The following DOP1B variants were observed in gnomAD, a reference collection of about 807,000 sequenced individuals.
The protein encoded by DOP1B is protein DOP1B.
Under a neutral mutation model 233.5 loss-of-function variants are expected in DOP1B, and 174 were observed. That is an observed-to-expected ratio of 0.75 (90% confidence interval 0.66 to 0.85). The LOEUF is 0.85. DOP1B is among the 40% of genes least tolerant of loss of function. The pLI is 0.00. For synonymous variants in DOP1B, 1,190 were observed against 1,185.6 expected, an observed-to-expected ratio of 1.00 and a Z score of -0.08; for missense variants, 2,652 against 2,846.6, an observed-to-expected ratio of 0.93 and a Z score of 1.56.
chr21:36,160,410 G>A (rs1293305533), intron 1 of DOP1B, among the ~76,000 whole-genome samples: 1 of 151,926 alleles, frequency 6.6e-6, no homozygotes, highest in Non-Finnish European at 1.5e-5. Context: ...GGGTTGGAGG[G>A]TGCAGTGACA....
chr21:36,277,774 C>A (rs531497322), intron 28 of DOP1B, among the ~76,000 whole-genome samples: 1 of 151,918 alleles, frequency 6.6e-6, no homozygotes, highest in African/African-American at 2.4e-5. Context: ...CCTGCCTCAG[C>A]CTCCTGAGTA....
At chr21:36,257,843 ATAGG>A (rs200518470) in intron 23 of DOP1B, among the ~76,000 whole-genome samples, 2,198 of 142,736 alleles carry the variant, frequency 0.015, 32 homozygotes, top group African/African-American at 0.041. Flanking sequence ...GTAGATGTAG[ATAGG>A]TAGGTAGGTA....
intron 2 of DOP1B, among the ~76,000 whole-genome samples, chr21:36,185,180 A>G (rs2066150020): frequency 1.1e-5 from 1 of 87,648 alleles, no homozygotes; most frequent in Non-Finnish European, 2.3e-5. Flanking sequence ...ATACTATGTT[A>G]TTTTATATTT....
rs866306206 is a variant in DOP1B, at chr21:36,253,772, A to G, written c.5122A>G (p.Ile1708Val). The G allele has an allele frequency of 1.9e-6, 3 of 1,606,260 alleles. No individual in the cohort carries two copies. Among genetic ancestry groups the G allele is most frequent in the African/African-American group, 1.3e-5 (1 of 74,228 alleles). The change falls in exon 23 of 37, where the codon ATT becomes GTT. Residue 1708 changes from isoleucine (I) to valine (V), a missense_variant and splice_region_variant. Physicochemically the swap from Ile to Val is conservative, Grantham distance 29 (BLOSUM62 3). Transcript: ENST00000691173. The part of the protein sequence containing the change: ...KKAQRHSKMK[I>V]IPTASASQLT... ...AAGGAACTTTTTTTTTTCTTGGCAG[A>G]TTATCCCAACGGCAAGTGCATCCCA...
rs571809676 is a variant in DOP1B, at chr21:36,247,744, T to C, written c.4809+116T>C. ...GTAATGTCTGTAACTAATATGCGTA[T>C]GGAGGTGATGCAAATGTGAATGCAA... On this transcript the variant is annotated intron_variant, in intron 20 of 36. Coordinates refer to ENST00000691173, the MANE Select transcript of DOP1B (RefSeq NM_001320714.2). The C allele has an allele frequency of 5.5e-5, 37 of 678,104 alleles. No individual in the cohort carries two copies. In the African/African-American group the frequency reaches 6.3e-4, roughly 11 times the overall value. 42.0% of individuals were successfully genotyped at this position (678,104 alleles called of 1,614,324 possible). A position where few individuals can be genotyped will look rare whatever the true frequency, so the allele number is the denominator to read the frequency against.
chr21:36,165,685 G>T (rs1485357267), intron 2 of DOP1B, among the ~76,000 whole-genome samples: 1 of 151,794 alleles, frequency 6.6e-6, no homozygotes, highest in East Asian at 1.9e-4. Flanking sequence ...CTGCACATGT[G>T]AGGGATCTAG....
intron 26 of DOP1B, among the ~76,000 whole-genome samples, chr21:36,267,469 TG>T (rs1445339097): frequency 7.9e-5 from 12 of 152,122 alleles, no homozygotes; most frequent in Admixed American, 7.9e-4. Context: ...GTTGAGCACT[TG>T]AAGTGTGGCT....
At chr21:36,206,614 C>T (rs1231289288) in intron 4 of DOP1B, among the ~76,000 whole-genome samples, 1 of 152,116 alleles carries the variant, frequency 6.6e-6, no homozygotes, top group Non-Finnish European at 1.5e-5. Flanking sequence ...GCAGCGTTTC[C>T]CATACTTTTT....
Position 36,279,138 on chromosome 21 carries a change from A to T in DOP1B, c.5969+783A>T, listed in dbSNP as rs569313713. On this transcript the variant is annotated intron_variant, in intron 30 of 36. Transcript: ENST00000691173. ...TAAAGAAAATCACTCAGGGCTGGTC[A>T]TGGTGGCTCACACCTGTAATCCAAC... is the stretch of plus-strand genomic sequence containing the variant. 2.0e-5 allele frequency among the ~76,000 whole-genome samples: 3 copies of T among 151,748 alleles called. No individual in the cohort carries two copies. In the South Asian group the frequency reaches 6.3e-4, roughly 32 times the overall value.
intron 2 of DOP1B, among the ~76,000 whole-genome samples, chr21:36,176,426 G>A (rs567744928): frequency 7.9e-5 from 12 of 152,128 alleles, no homozygotes; most frequent in Non-Finnish European, 1.2e-4. Flanking sequence ...CTTTCAGCCT[G>A]CAGGGTGCCT....
intron 7 of DOP1B, among the ~76,000 whole-genome samples, chr21:36,212,644 G>A (rs983879988): frequency 3.9e-5 from 6 of 152,206 alleles, no homozygotes; most frequent in African/African-American, 1.4e-4. Flanking sequence ...GCCTCCCAGG[G>A]ACAGAGCCTA....
At chr21:36,250,944 G>A (rs956437578) in intron 21 of DOP1B, among the ~76,000 whole-genome samples, 6 of 152,144 alleles carry the variant, frequency 3.9e-5, no homozygotes, top group Non-Finnish European at 7.3e-5. Context: ...TCCCCCCGCC[G>A]GCATGACACG....
intron 2 of DOP1B, chr21:36,169,540 G>T (rs1001121994): frequency 8.9e-7 from 1 of 1,120,570 alleles, no homozygotes; most frequent in Non-Finnish European, 1.3e-6. Flanking sequence ...CGATCATCTC[G>T]TCCAGCCCAA....
intron 2 of DOP1B, among the ~76,000 whole-genome samples, chr21:36,197,511 G>A (rs2066304961): frequency 6.6e-6 from 1 of 152,176 alleles, no homozygotes; most frequent in Non-Finnish European, 1.5e-5. Flanking sequence ...TTTGTTCTAG[G>A]CACTGTGCAG....
chr21:36,258,711 G>A lies in DOP1B; in HGVS notation c.5260-1966G>A, dbSNP rs115458755. Reference sequence around the variant, plus strand: ...CGACAATGCTCTATGTGCACTGAGTGGTGTCGTGGAGGCTAAATAGTGGAA... The same window carrying A: ...CGACAATGCTCTATGTGCACTGAGTAGTGTCGTGGAGGCTAAATAGTGGAA... On this transcript the variant is annotated intron_variant, in intron 23 of 36. Transcript: ENST00000691173. Among the ~76,000 whole-genome samples the A allele has an allele frequency of 8.2e-3, 1,255 of 152,260 alleles. 12 individuals are homozygous for A. The highest frequency in any genetic ancestry group is 0.029 in the African/African-American group (1,188 of 41,554).
Position 36,212,979 on chromosome 21 carries a change from G to A in DOP1B, c.904+882G>A, listed in dbSNP as rs143524993. On this transcript the variant is annotated intron_variant, in intron 7 of 36. Coordinates refer to ENST00000691173, the MANE Select transcript of DOP1B (RefSeq NM_001320714.2). Reference sequence around the variant, plus strand: ...GTATTTTTAGTAGAGATGGGGTTTCGCCCTGTTGGCCAGGCTGATCTTGGA... The same window carrying A: ...GTATTTTTAGTAGAGATGGGGTTTCACCCTGTTGGCCAGGCTGATCTTGGA... Among the ~76,000 whole-genome samples the A allele has an allele frequency of 2.0e-3, 311 of 152,054 alleles. No individual in the cohort carries two copies. The Middle Eastern group carries it at 0.024, about 12-fold the overall frequency.
chr21:36,178,489 T>C lies in DOP1B; in HGVS notation c.138+13618T>C, dbSNP rs780025561. 9.8e-4 allele frequency among the ~76,000 whole-genome samples: 148 copies of C among 151,654 alleles called. 1 individual carries two copies. Among genetic ancestry groups the C allele is most frequent in the Middle Eastern group, 3.2e-3 (1 of 312 alleles). On this transcript the variant is annotated intron_variant, in intron 2 of 36. Coordinates refer to ENST00000691173, the MANE Select transcript of DOP1B (RefSeq NM_001320714.2). ...ACAGACTTCCTCCCACCTCCCACCA[T>C]GTGAGGACACAGTGAGGAGATGGCT...
chr21:36,219,102 T>C (rs1294138095), intron 9 of DOP1B, among the ~76,000 whole-genome samples: 2 of 152,194 alleles, frequency 1.3e-5, no homozygotes, highest in Non-Finnish European at 2.9e-5. Flanking sequence ...GCATGGCTGT[T>C]ACGAGGGTTT....
chr21:36,277,180 A>T, intron 28 of DOP1B, 80 bp downstream of exon 28: 2 of 1,478,336 alleles, frequency 1.4e-6, no homozygotes, highest in Non-Finnish European at 1.9e-6. Context: ...GTTCATTCCC[A>T]GGTGCCAGTG....
Sources: gnomAD v4.1 joint callset for allele counts (sites outside exome capture counted in the v4.1 genomes callset) on GRCh38, gnomAD v4.1.1 for gene constraint, MANE v1.5 for transcripts, NCBI Gene and HGNC (gene_info 2026-07-23, HGNC 2026-07-21) for gene names.